Variants in DNAJA2 observed in about 807,000 individuals in gnomAD.
DNAJA2 encodes the protein dnaJ homolog subfamily A member 2.
DNAJA2 carries 6 observed loss-of-function variants against 49.3 expected under a neutral mutation model. The observed-to-expected ratio is 0.12, with a 90% CI of 0.07 to 0.24. DNAJA2 has a LOEUF of 0.24. Among genes scored for constraint, DNAJA2 ranks in the 10% least tolerant of loss-of-function variants. DNAJA2 has a pLI of 1.00. For synonymous variants in DNAJA2, 160 were observed against 172.7 expected, an observed-to-expected ratio of 0.93 and a Z score of 0.58; for missense variants, 347 against 516.8, an observed-to-expected ratio of 0.67 and a Z score of 3.19.
intron 8 of DNAJA2, 195 bp downstream of exon 8, chr16:46,958,808 G>A (rs1271645895): frequency 1.7e-5 from 9 of 533,366 alleles, no homozygotes; most frequent in Non-Finnish European, 2.8e-5. Context: ...AGCCAGGCAT[G>A]GCAACACACA....
At chr16:46,962,916 T>A (rs1387032999) in intron 6 of DNAJA2, among the ~76,000 whole-genome samples, 1 of 152,186 alleles carries the variant, frequency 6.6e-6, no homozygotes, top group African/African-American at 2.4e-5. Flanking sequence ...CAATATGGCT[T>A]TGTTGTTCTC....
chr16:46,962,409 G>A (rs1466633398), intron 6 of DNAJA2, among the ~76,000 whole-genome samples: 1 of 152,052 alleles, frequency 6.6e-6, no homozygotes, highest in African/African-American at 2.4e-5. Context: ...CTGCAAATAA[G>A]CATTCCTTCT....
chr16:46,971,587 T>C lies in DNAJA2; in HGVS notation c.139-15A>G, dbSNP rs1221245905. ...ATTTCTTTAAACTATAAAGAAAAGG[T>C]AAAAATAAAAATAATTGCATTTTCA... On this transcript the variant is annotated splice_polypyrimidine_tract_variant and intron_variant, in intron 2 of 8. Coordinates refer to ENST00000317089, the MANE Select transcript of DNAJA2 (RefSeq NM_005880.4). 3 of 1,423,986 alleles carry C rather than the reference T, an allele frequency of 2.1e-6. No homozygotes were observed. Among genetic ancestry groups the C allele is most frequent in the South Asian group, 2.7e-5 (2 of 72,900 alleles). The allele number at this position is 1,423,986 out of a possible 1,614,324, so 88.2% of individuals were successfully genotyped here. A position where few individuals can be genotyped will look rare whatever the true frequency, so the allele number is the denominator to read the frequency against.
intron 6 of DNAJA2, among the ~76,000 whole-genome samples, chr16:46,963,720 A>T (rs1008620262): frequency 2.0e-5 from 3 of 152,056 alleles, no homozygotes; most frequent in Non-Finnish European, 4.4e-5. Flanking sequence ...CCCCCAAAAC[A>T]TACACTAGTG....
chr16:46,959,915 A>G (rs895825023), intron 6 of DNAJA2, among the ~76,000 whole-genome samples: 1 of 152,224 alleles, frequency 6.6e-6, no homozygotes, highest in African/African-American at 2.4e-5. Flanking sequence ...ACACATACCA[A>G]CAAGTCTCAC....
In DNAJA2 at chr16:46,973,651, G is replaced by C. The variant is rs1596660766; in HGVS notation, c.-79C>G. 1.4e-6 allele frequency: 2 copies of C among 1,466,598 alleles called. No individual in the cohort carries two copies. Among genetic ancestry groups the C allele is most frequent in the East Asian group, 5.2e-5 (2 of 38,800 alleles). 90.8% of individuals were successfully genotyped at this position (1,466,598 alleles called of 1,614,324 possible). A position where few individuals can be genotyped will look rare whatever the true frequency, so the allele number is the denominator to read the frequency against. ...GTCGGGCCCACAAGCGGCGTCGGCG[G>C]CGGCACAGGCCGAGGGAGACAGCGA... On this transcript the variant is annotated 5_prime_UTR_variant, in exon 1 of 9. Transcript: ENST00000317089.
At chr16:46,969,791 C>G (rs1274855473) in intron 3 of DNAJA2, among the ~76,000 whole-genome samples, 1 of 152,074 alleles carries the variant, frequency 6.6e-6, no homozygotes, top group Non-Finnish European at 1.5e-5. Flanking sequence ...ACAGGAAAAT[C>G]TGAAATGTTA....
intron 6 of DNAJA2, 135 bp from the exon 7 acceptor site, chr16:46,959,554 G>A: frequency 7.5e-6 from 6 of 802,120 alleles, no homozygotes; most frequent in Non-Finnish European, 9.7e-6. Flanking sequence ...ACTGTCCCTA[G>A]TGCCCTAAAC....
Position 46,967,441 on chromosome 16 carries a change from T to C in DNAJA2, c.577+72A>G, listed in dbSNP as rs903730983. ...TACAAATACCCTTTGAAATAAAAAA[T>C]TGTAAACCTCTCCAATATCTGCATT... On this transcript the variant is annotated intron_variant, in intron 5 of 8. Coordinates refer to ENST00000317089, the MANE Select transcript of DNAJA2 (RefSeq NM_005880.4). 4.4e-6 allele frequency: 7 copies of C among 1,589,494 alleles called. No homozygotes were observed. In the African/African-American group the frequency reaches 9.5e-5, roughly 21 times the overall value.
chr16:46,961,803 A>G (rs566030651), intron 6 of DNAJA2, among the ~76,000 whole-genome samples: 1 of 152,244 alleles, frequency 6.6e-6, no homozygotes, highest in Admixed American at 6.5e-5. Context: ...AGGAGGGACC[A>G]CCAAGCACTA....
intron 6 of DNAJA2, among the ~76,000 whole-genome samples, chr16:46,960,600 G>A (rs1409327667): frequency 6.6e-6 from 1 of 152,002 alleles, no homozygotes; most frequent in Non-Finnish European, 1.5e-5. Flanking sequence ...CCAATATGGT[G>A]AAACCCCATC....
At chr16:46,965,448 G>A (rs1961955400) in intron 5 of DNAJA2, among the ~76,000 whole-genome samples, 1 of 152,164 alleles carries the variant, frequency 6.6e-6, no homozygotes, top group African/African-American at 2.4e-5. Context: ...ACATTTGAAG[G>A]CTTAGAAAGA....
At chr16:46,971,174 C>T (rs1036829089) in intron 3 of DNAJA2, among the ~76,000 whole-genome samples, 175 bp downstream of exon 3, 1 of 152,042 alleles carries the variant, frequency 6.6e-6, no homozygotes, top group African/African-American at 2.4e-5. Flanking sequence ...AGAGCTACAG[C>T]GAAATAGAAA....
intron 1 of DNAJA2, chr16:46,972,890 G>A (rs1048892561): frequency 1.3e-5 from 2 of 152,232 alleles, no homozygotes; most frequent in African/African-American, 4.8e-5. Context: ...AAAGAACAAT[G>A]CATCCAAACA....
intron 1 of DNAJA2, chr16:46,972,697 G>C (rs1296127290): frequency 2.0e-5 from 3 of 152,240 alleles, no homozygotes. Flanking sequence ...GATGCTCTTA[G>C]CCTGGTGAGG....
At chr16:46,961,987 T>C (rs895537406) in intron 6 of DNAJA2, among the ~76,000 whole-genome samples, 4 of 151,566 alleles carry the variant, frequency 2.6e-5, no homozygotes, top group African/African-American at 4.9e-5. Flanking sequence ...ATGATGACTA[T>C]AGATGATACA....
At chr16:46,964,870 T>C (rs2143651003) in intron 5 of DNAJA2, 63 bp from the exon 6 acceptor site, 5 of 1,302,032 alleles carry the variant, frequency 3.8e-6, no homozygotes, top group East Asian at 2.4e-5. Flanking sequence ...AATACCCTTA[T>C]TCTTTAAATA....
chr16:46,959,436 A>G lies in DNAJA2; in HGVS notation c.775-17T>C. On this transcript the variant is annotated splice_polypyrimidine_tract_variant and intron_variant, in intron 6 of 8. Transcript: ENST00000317089. ...CTGAAATACCTATAAATAAAGCACA[A>G]AAGAAATACATTTTCTTAAAAATTA... is the stretch of plus-strand genomic sequence containing the variant. 6.3e-7 allele frequency: 1 copy of G among 1,598,258 alleles called. No homozygotes were observed. The highest frequency in any genetic ancestry group is 8.6e-7 in the Non-Finnish European group (1 of 1,169,256).
rs1962045142 is a variant in DNAJA2, at chr16:46,971,383, T to C, written c.328A>G (p.Arg110Gly). The C allele has an allele frequency of 6.2e-7, 1 of 1,613,828 alleles. No individual in the cohort carries two copies. Among genetic ancestry groups the C allele is most frequent in the Non-Finnish European group, 8.5e-7 (1 of 1,179,992 alleles). The change falls in exon 3 of 9, where the codon AGA becomes GGA. Residue 110 changes from arginine to glycine, a missense_variant. Coordinates refer to ENST00000317089, the MANE Select transcript of DNAJA2 (RefSeq NM_005880.4). ...MGNQSRSRNG[R>G]RRGEDMMHPL... is the part of the protein sequence containing the mutation. ...TGCATCATGTCCTCTCCTCTTCTTC[T>C]GCCATTTCGACTTCTACTCTGATTG...
Sources: allele counts gnomAD v4.1 joint callset (sites outside exome capture counted in the v4.1 genomes callset), GRCh38; gene constraint gnomAD v4.1.1; transcripts MANE v1.5; gene names NCBI Gene and HGNC (gene_info 2026-07-23, HGNC 2026-07-21).